The following TLR4 variants were observed in gnomAD, a reference collection of about 807,000 sequenced individuals.
TLR4 encodes toll-like receptor 4.
A neutral mutation model predicts 27.4 loss-of-function variants in TLR4; 17 were observed. The observed-to-expected ratio is 0.62, with a 90% CI of 0.42 to 0.93. The LOEUF (loss-of-function observed/expected upper bound fraction) is 0.93. Among genes scored for constraint, TLR4 ranks in the 40% least tolerant of loss-of-function variants. The pLI, the probability that TLR4 is intolerant of heterozygous loss-of-function variation, is 0.00. For synonymous variants in TLR4, 363 were observed against 365.7 expected, an observed-to-expected ratio of 0.99 and a Z score of 0.08; for missense variants, 926 against 962.3, an observed-to-expected ratio of 0.96 and a Z score of 0.50.
chr9:117,713,836 A>C lies in TLR4; in HGVS notation c.1708A>C (p.Ser570Arg). 6.2e-7 allele frequency: 1 copy of C among 1,614,060 alleles called. No individual in the cohort carries two copies. The highest frequency in any genetic ancestry group is 8.5e-7 in the Non-Finnish European group (1 of 1,180,014). ...ACAGGAACTACAGCATTTTCCAAGTAGTCTAGCTTTCTTAAATCTTACTCA... is the reference window on the plus strand; with the variant it reads ...ACAGGAACTACAGCATTTTCCAAGTCGTCTAGCTTTCTTAAATCTTACTCA... ...KKQELQHFPS[S>R]LAFLNLTQND... is the part of the protein sequence containing the mutation. The change falls in exon 3 of 3, where the codon AGT (serine) becomes CGT (arginine). Residue 570 changes from serine to arginine, a missense_variant. Physicochemically the swap from Ser to Arg is moderately radical, Grantham distance 110 (BLOSUM62 -1). Coordinates refer to ENST00000355622, the MANE Select transcript of TLR4 (RefSeq NM_138554.5).
chr9:117,710,310 C>G (rs1829209722), intron 2 of TLR4, among the ~76,000 whole-genome samples: 1 of 148,582 alleles, frequency 6.7e-6, no homozygotes, highest in South Asian at 2.2e-4. Flanking sequence ...AAAGTGAGAA[C>G]TCATGGTATT....
At position 117,712,794 on chromosome 9, in the gene TLR4, A is replaced by T; in HGVS notation, c.666A>T (p.Ala222=). Residue 222 remains alanine, a synonymous_variant, in exon 3 of 3, where the codon GCA becomes GCT. Transcript: ENST00000355622. The part of the protein sequence containing the change: ...LNPMNFIQPG[A]FKEIRLHKLT... ...CTATGAACTTTATCCAACCAGGTGC[A>T]TTTAAAGAAATTAGGCTTCATAAGC... is the stretch of plus-strand genomic sequence containing the variant. 6.2e-7 allele frequency: 1 copy of T among 1,614,072 alleles called. No individual in the cohort carries two copies. The highest frequency in any genetic ancestry group is 8.5e-7 in the Non-Finnish European group (1 of 1,180,014).
rs1829328204 is a variant in TLR4 at position 117,715,450 on chromosome 9, A to C, written c.*802A>C. 1 of 152,188 alleles carries C rather than the reference A, an allele frequency of 6.6e-6. No homozygotes were observed. The highest frequency in any genetic ancestry group is 2.1e-4 in the South Asian group (1 of 4,822). 9.4% of individuals were successfully genotyped at this position (152,188 alleles called of 1,614,324 possible). On this transcript the variant is annotated 3_prime_UTR_variant, in exon 3 of 3. Transcript: ENST00000355622. ...GTCATTCCAAAGTTATTGCCTACTAAGTAATGACTGTCATGAAAGCAGCAT... is the reference window on the plus strand; with the variant it reads ...GTCATTCCAAAGTTATTGCCTACTACGTAATGACTGTCATGAAAGCAGCAT...
At position 117,708,557 on chromosome 9, in the gene TLR4, T is replaced by C. The variant is rs1829175833; in HGVS notation, c.94-6T>C. 6.2e-7 allele frequency: 1 copy of C among 1,613,722 alleles called. No homozygotes were observed. The highest frequency in any genetic ancestry group is 8.5e-7 in the Non-Finnish European group (1 of 1,179,692). Reference sequence around the variant, plus strand: ...AGATACTTCATGTCATGTGTAATCATTGCAGGTGGTTCCTAATATTACTTA... The same window carrying C: ...AGATACTTCATGTCATGTGTAATCACTGCAGGTGGTTCCTAATATTACTTA... On this transcript the variant is annotated splice_region_variant and splice_polypyrimidine_tract_variant and intron_variant, in intron 1 of 2. Coordinates refer to ENST00000355622, the MANE Select transcript of TLR4 (RefSeq NM_138554.5).
At position 117,712,483 on chromosome 9, in the gene TLR4, C is replaced by G. The variant is rs1418806076; in HGVS notation, c.355C>G (p.Leu119Val). The G allele has an allele frequency of 6.2e-7, 1 of 1,613,868 alleles. No individual in the cohort carries two copies. Among genetic ancestry groups the G allele is most frequent in the Non-Finnish European group, 8.5e-7 (1 of 1,179,906 alleles). ...AGGAAACCCCATCCAGAGTTTAGCC[C>G]TGGGAGCCTTTTCTGGACTATCAAG... The part of the protein sequence containing the change: ...LTGNPIQSLA[L>V]GAFSGLSSLQ... Residue 119 changes from leucine to valine, a missense_variant, in exon 3 of 3, where the codon CTG (leucine) becomes GTG (valine). Leu to Val is a conservative substitution (Grantham distance 32, BLOSUM62 1). Coordinates refer to ENST00000355622, the MANE Select transcript of TLR4 (RefSeq NM_138554.5).
chr9:117,705,204 C>T (rs1368225596), intron 1 of TLR4, among the ~76,000 whole-genome samples: 2 of 152,136 alleles, frequency 1.3e-5, no homozygotes, highest in Non-Finnish European at 2.9e-5. Context: ...TAGTGAAATA[C>T]CAATCAGCTG....
chr9:117,708,480 C>T (rs571061549), intron 1 of TLR4, 83 bp from the exon 2 acceptor site: 23 of 1,606,550 alleles, frequency 1.4e-5, no homozygotes, highest in Admixed American at 1.0e-4. Context: ...AAAAGAGGCC[C>T]CTCTCCACCA....
chr9:117,713,705 A>C lies in TLR4; in HGVS notation c.1577A>C (p.Asn526Thr), dbSNP rs2131171968. Reference sequence around the variant, plus strand: ...TCACTCTCCAGTCTTCAGGTACTAAATATGAGCCACAACAACTTCTTTTCA... The same window carrying C: ...TCACTCTCCAGTCTTCAGGTACTAACTATGAGCCACAACAACTTCTTTTCA... The part of the protein sequence containing the change: ...FNSLSSLQVL[N>T]MSHNNFFSLD... Residue 526 changes from asparagine (N) to threonine (T), a missense_variant, in exon 3 of 3, where the codon AAT (asparagine) becomes ACT (threonine). Coordinates refer to ENST00000355622, the MANE Select transcript of TLR4 (RefSeq NM_138554.5). 1 of 1,614,038 alleles carries C rather than the reference A, an allele frequency of 6.2e-7. No homozygotes were observed. The highest frequency in any genetic ancestry group is 1.3e-5 in the African/African-American group (1 of 75,046).
rs1437519237 is a variant in TLR4 at position 117,708,650 on chromosome 9, C to T, written c.181C>T (p.Leu61=). Residue 61 remains leucine (L), a synonymous_variant, in exon 2 of 3, where the codon CTG becomes TTG. Coordinates refer to ENST00000355622, the MANE Select transcript of TLR4 (RefSeq NM_138554.5). ...CCCCTTCTCAACCAAGAACCTGGAC[C>T]TGAGCTTTAATCCCCTGAGGCATTT... The part of the protein sequence containing the change: ...NLPFSTKNLD[L]SFNPLRHLGS... The T allele has an allele frequency of 1.2e-6, 2 of 1,613,986 alleles. No individual in the cohort carries two copies. The highest frequency in any genetic ancestry group is 1.3e-5 in the African/African-American group (1 of 75,018).
At chr9:117,704,636 G>T in intron 1 of TLR4, 71 bp downstream of exon 1, 5 of 1,310,182 alleles carry the variant, frequency 3.8e-6, no homozygotes, top group Non-Finnish European at 5.4e-6. Flanking sequence ...GTGTGCCCTG[G>T]TTTGTTTATT....
chr9:117,709,576 C>G (rs781729916), intron 2 of TLR4, among the ~76,000 whole-genome samples: 1 of 152,060 alleles, frequency 6.6e-6, no homozygotes, highest in Non-Finnish European at 1.5e-5. Context: ...TTTTCATCAT[C>G]GGGGCCTTAT....
In TLR4 at chr9:117,713,704, A is replaced by G; in HGVS notation, c.1576A>G (p.Asn526Asp). The change falls in exon 3 of 3, where the codon AAT becomes GAT. Residue 526 changes from asparagine to aspartate, a missense_variant. By Grantham distance (23) the Asn-to-Asp change is conservative. Coordinates refer to ENST00000355622, the MANE Select transcript of TLR4 (RefSeq NM_138554.5). ...CTCACTCTCCAGTCTTCAGGTACTA[A>G]ATATGAGCCACAACAACTTCTTTTC... ...FNSLSSLQVL[N>D]MSHNNFFSLD... The G allele has an allele frequency of 6.2e-7, 1 of 1,614,040 alleles. No individual in the cohort carries two copies. The highest frequency in any genetic ancestry group is 8.5e-7 in the Non-Finnish European group (1 of 1,180,018).
chr9:117,705,576 C>T (rs933472243), intron 1 of TLR4, among the ~76,000 whole-genome samples: 4 of 152,132 alleles, frequency 2.6e-5, no homozygotes, highest in African/African-American at 9.7e-5. Context: ...CTTCTTTTCC[C>T]CATGTACCTT....
rs1262726561 is a variant in TLR4, at chr9:117,716,857, G to A, written c.*2209G>A. The stretch of plus-strand genomic sequence containing the variant: ...AAATTGTATACATTAAATATATGCA[G>A]TTTTATAATATCAATTATGTCTGAA... On this transcript the variant is annotated 3_prime_UTR_variant, in exon 3 of 3. Coordinates refer to ENST00000355622, the MANE Select transcript of TLR4 (RefSeq NM_138554.5). The A allele has an allele frequency of 6.6e-6, 1 of 152,128 alleles. No homozygotes were observed. The highest frequency in any genetic ancestry group is 1.5e-5 in the Non-Finnish European group (1 of 68,034). 9.4% of individuals were successfully genotyped at this position (152,128 alleles called of 1,614,324 possible). A position where few individuals can be genotyped will look rare whatever the true frequency, so the allele number is the denominator to read the frequency against.
intron 2 of TLR4, among the ~76,000 whole-genome samples, chr9:117,711,979 C>T (rs5030727): frequency 0.021 from 3,265 of 152,292 alleles, 118 homozygotes; most frequent in African/African-American, 0.074. Context: ...CAACTAACAA[C>T]TATCCATATT....
chr9:117,715,181 TCC>T lies in TLR4; in HGVS notation c.*534_*535del. On this transcript the variant is annotated 3_prime_UTR_variant, in exon 3 of 3. Transcript: ENST00000355622. ...CAGAGGTTAAAGTCTAGTGGCTAAT[TCC>T]TAAGGAAACCTGATTAACACATGCT... The T allele has an allele frequency of 1.9e-5, 3 of 161,508 alleles. No individual in the cohort carries two copies. The highest frequency in any genetic ancestry group is 1.2e-4 in the Admixed American group (2 of 17,304). The allele number at this position is 161,508 out of a possible 1,614,324, so 10.0% of individuals were successfully genotyped here. A position where few individuals can be genotyped will look rare whatever the true frequency, so the allele number is the denominator to read the frequency against.
At position 117,723,348 on chromosome 9, in the gene TLR4, C is replaced by T. The variant is rs1829443300; in HGVS notation, c.*8700C>T. ...TCCCTCATTTCTGAAAAGGATTAAG[C>T]TATCAACCCCATTGAGTTATAGGTG... On this transcript the variant is annotated 3_prime_UTR_variant, in exon 3 of 3. Transcript: ENST00000355622. 1 of 152,160 alleles carries T rather than the reference C, an allele frequency of 6.6e-6. No individual in the cohort carries two copies. Among genetic ancestry groups the T allele is most frequent in the Non-Finnish European group, 1.5e-5 (1 of 68,018 alleles). The allele number at this position is 152,160 out of a possible 1,614,324, so 9.4% of individuals were successfully genotyped here. A position where few individuals can be genotyped will look rare whatever the true frequency, so the allele number is the denominator to read the frequency against.
At chr9:117,708,495 T>C in intron 1 of TLR4, 68 bp from the exon 2 acceptor site, 1 of 1,608,332 alleles carries the variant, frequency 6.2e-7, no homozygotes, top group Non-Finnish European at 8.5e-7. Flanking sequence ...CCACCATCTC[T>C]GGTCTAGGAG....
intron 2 of TLR4, among the ~76,000 whole-genome samples, 185 bp from the exon 3 acceptor site, chr9:117,712,204 C>T (rs1469812835): frequency 1.3e-5 from 2 of 152,098 alleles, no homozygotes; most frequent in Non-Finnish European, 1.5e-5. Flanking sequence ...TATGATAATA[C>T]TCAGTCTGTG....
Sources: gnomAD v4.1 joint callset for allele counts (sites outside exome capture counted in the v4.1 genomes callset) on GRCh38, gnomAD v4.1.1 for gene constraint, MANE v1.5 for transcripts, NCBI Gene and HGNC (gene_info 2026-07-23, HGNC 2026-07-21) for gene names.